GALNT18: variants seen among roughly 807,000 people sequenced by gnomAD.
GALNT18 encodes the protein polypeptide N-acetylgalactosaminyltransferase 18.
A neutral mutation model predicts 69.5 loss-of-function variants in GALNT18; 44 were observed. The ratio of observed to expected loss-of-function variants is 0.63; its 90% CI spans 0.50 to 0.81. The LOEUF (loss-of-function observed/expected upper bound fraction) is 0.81, where lower values mean the gene tolerates loss of function less well. Among genes scored for constraint, GALNT18 ranks in the 40% least tolerant of loss-of-function variants. The probability of loss-of-function intolerance (pLI) is 0.00; values close to 1 mark genes in which losing one functional copy is unlikely to be tolerated. For missense variants in GALNT18, 715 were observed against 810.0 expected (o/e 0.88, Z 1.42); for synonymous variants, 364 against 318.2 (o/e 1.14, Z -1.53).
At chr11:11,307,559 G>A (rs911940964) in intron 9 of GALNT18, among the ~76,000 whole-genome samples, 2 of 152,130 alleles carry the variant, frequency 1.3e-5, no homozygotes, top group African/African-American at 4.8e-5. Flanking sequence ...CAAGTCATCT[G>A]GCCCTAAAGC....
At position 11,530,468 on chromosome 11, in the gene GALNT18, T is replaced by A. The variant is rs933526932; in HGVS notation, c.236-81532A>T. Among the ~76,000 whole-genome samples the A allele has an allele frequency of 2.6e-5, 4 of 152,202 alleles. No homozygotes were observed. In the East Asian group the frequency reaches 5.8e-4, roughly 22 times the overall value. ...GGGAAGACCCTGCTCAAAATGCCAG[T>A]GGGCAGGACAGGCCCGTGAGCTTTG... is the stretch of plus-strand genomic sequence containing the variant. On this transcript the variant is annotated intron_variant, in intron 1 of 10. Transcript: ENST00000227756.
At chr11:11,585,961 T>C (rs1269115294) in intron 1 of GALNT18, among the ~76,000 whole-genome samples, 1 of 152,034 alleles carries the variant, frequency 6.6e-6, no homozygotes, top group Non-Finnish European at 1.5e-5. Context: ...AGAGCCCTCA[T>C]GGGTGGGATT....
At chr11:11,292,975 C>A in intron 10 of GALNT18, 54 bp downstream of exon 10, 2 of 1,334,358 alleles carry the variant, frequency 1.5e-6, no homozygotes, top group Non-Finnish European at 1.9e-6. Flanking sequence ...CCTGAGGCCA[C>A]TCTCCTGGTT....
rs1850215437 is a variant in GALNT18 at position 11,341,927 on chromosome 11, G to A, written c.1093-923C>T. ...GCTTGAGCCCAGGAGTGTGAGACAA[G>A]CCTGGGCAACATAGTGAGATCCTGT... On this transcript the variant is annotated intron_variant, in intron 6 of 10. Transcript: ENST00000227756. This position sits in a 1 kb window ranked among gnomAD's most constrained non-coding sequence, Gnocchi z 6.3. Among the ~76,000 whole-genome samples the A allele has an allele frequency of 6.6e-6, 1 of 151,952 alleles. No individual in the cohort carries two copies. The highest frequency in any genetic ancestry group is 6.6e-5 in the Admixed American group (1 of 15,260).
chr11:11,279,146 T>A (rs1382657332), intron 10 of GALNT18, among the ~76,000 whole-genome samples: 2 of 152,142 alleles, frequency 1.3e-5, no homozygotes, highest in East Asian at 1.9e-4. Flanking sequence ...GTGTGGCACC[T>A]CCTCTCACCA....
chr11:11,362,612 T>G (rs1850668543), intron 6 of GALNT18, among the ~76,000 whole-genome samples: 1 of 152,014 alleles, frequency 6.6e-6, no homozygotes, highest in Admixed American at 6.6e-5. Flanking sequence ...ATAAGAGAAA[T>G]GCAAATTAAA....
intron 5 of GALNT18, among the ~76,000 whole-genome samples, chr11:11,374,340 G>C (rs1455604505): frequency 2.6e-5 from 4 of 152,208 alleles, no homozygotes; most frequent in Non-Finnish European, 5.9e-5. Flanking sequence ...CTAAATTAAA[G>C]CACTTGAGAG....
chr11:11,526,897 G>A (rs989195476), intron 1 of GALNT18, among the ~76,000 whole-genome samples: 2 of 152,126 alleles, frequency 1.3e-5, no homozygotes, highest in Admixed American at 6.5e-5. Context: ...CAATCCAGTC[G>A]AGTCCACGCC....
At chr11:11,460,044 T>C (rs1856006818) in intron 1 of GALNT18, among the ~76,000 whole-genome samples, 1 of 152,152 alleles carries the variant, frequency 6.6e-6, no homozygotes. Flanking sequence ...ATCGCAGCAC[T>C]CTGACCTTCT....
At chr11:11,394,920 C>T (rs1212999581) in intron 3 of GALNT18, among the ~76,000 whole-genome samples, 1 of 152,198 alleles carries the variant, frequency 6.6e-6, no homozygotes, top group African/African-American at 2.4e-5. Context: ...CATAGACCAC[C>T]CAGGTGAGAG....
chr11:11,284,908 G>GTTTTTTTTT (rs58795517), intron 10 of GALNT18, among the ~76,000 whole-genome samples: 6,495 of 82,038 alleles, frequency 0.079, 713 homozygotes, highest in Non-Finnish European at 0.11. Context: ...AGACTTTCGT[G>GTTTTTTTTT]TTTTTTTTTT....
In GALNT18 at chr11:11,382,790, C is replaced by G. The variant is rs1217673019; in HGVS notation, c.596-3526G>C. Among the ~76,000 whole-genome samples, 1 of 151,898 alleles carries G rather than the reference C, an allele frequency of 6.6e-6. No individual in the cohort carries two copies. The highest frequency in any genetic ancestry group is 1.5e-5 in the Non-Finnish European group (1 of 67,982). ...AATTTTTTGAAATTTCTATAAATAA[C>G]ATTTAATAAAGTGTCTTGGTGGGTT... On this transcript the variant is annotated intron_variant, in intron 3 of 10. Coordinates refer to ENST00000227756, the MANE Select transcript of GALNT18 (RefSeq NM_198516.3). The surrounding 1 kb of genome is among the most constrained non-coding windows in gnomAD (Gnocchi z 4.3).
At chr11:11,474,483 A>G (rs7395532) in intron 1 of GALNT18, among the ~76,000 whole-genome samples, 124,276 of 152,222 alleles carry the variant, frequency 0.82, 51,583 homozygotes, top group East Asian at 0.97. Flanking sequence ...TTTCAGCAAA[A>G]GAGGAACAGA....
rs1256611918 is a variant in GALNT18 at position 11,540,339 on chromosome 11, C to T, written c.235+81020G>A. On this transcript the variant is annotated intron_variant, in intron 1 of 10. Transcript: ENST00000227756. The surrounding 1 kb of genome is among the most constrained non-coding windows in gnomAD (Gnocchi z 4.6). ...TCGTTGCCATGGAAACTTGTGACTC[C>T]TACATCCCTGATGCTAGGACAAGAG... Among the ~76,000 whole-genome samples, 1 of 152,166 alleles carries T rather than the reference C, an allele frequency of 6.6e-6. No homozygotes were observed. The highest frequency in any genetic ancestry group is 1.9e-4 in the East Asian group (1 of 5,184).
rs950665985 is a variant in GALNT18 at position 11,318,273 on chromosome 11, A to G, written c.1512+8813T>C. ...AAAGTCCTAACCCCCAGTACCTCAT[A>G]ATGTAATCTTATTTGGAAATAGAGT... is the stretch of plus-strand genomic sequence containing the variant. On this transcript the variant is annotated intron_variant, in intron 9 of 10. Transcript: ENST00000227756. The surrounding 1 kb of genome is among the most constrained non-coding windows in gnomAD (Gnocchi z 5.1). Among the ~76,000 whole-genome samples, 6 of 152,206 alleles carry G rather than the reference A, an allele frequency of 3.9e-5. No homozygotes were observed. Among genetic ancestry groups the G allele is most frequent in the Admixed American group, 2.6e-4 (4 of 15,278 alleles).
Position 11,463,554 on chromosome 11 carries a change from C to T in GALNT18, c.236-14618G>A, listed in dbSNP as rs1390472618. On this transcript the variant is annotated intron_variant, in intron 1 of 10. Transcript: ENST00000227756. This position sits in a 1 kb window ranked among gnomAD's most constrained non-coding sequence, Gnocchi z 4.2. ...CCCCAGGGCTGAGCGTGCCATCACT[C>T]CCAGCAGCTGTCGGCTCACTGGACG... 1.3e-5 allele frequency among the ~76,000 whole-genome samples: 2 copies of T among 152,192 alleles called. No individual in the cohort carries two copies. Among genetic ancestry groups the T allele is most frequent in the Admixed American group, 6.5e-5 (1 of 15,278 alleles).
intron 1 of GALNT18, among the ~76,000 whole-genome samples, chr11:11,579,538 C>A (rs1391826909): frequency 2.0e-5 from 3 of 152,198 alleles, no homozygotes; most frequent in Non-Finnish European, 4.4e-5. Context: ...CCCATCAGGC[C>A]TCTAGCCTCT....
chr11:11,571,742 T>A (rs892127686), intron 1 of GALNT18, among the ~76,000 whole-genome samples: 3 of 152,242 alleles, frequency 2.0e-5, no homozygotes, highest in African/African-American at 7.2e-5. Flanking sequence ...CGTAATGAGG[T>A]TATTTTATCT....
rs1443190023 is a variant in GALNT18, at chr11:11,470,521, T to A, written c.236-21585A>T. 6.6e-6 allele frequency among the ~76,000 whole-genome samples: 1 copy of A among 152,228 alleles called. No individual in the cohort carries two copies. Among genetic ancestry groups the A allele is most frequent in the South Asian group, 2.1e-4 (1 of 4,834 alleles). On this transcript the variant is annotated intron_variant, in intron 1 of 10. Coordinates refer to ENST00000227756, the MANE Select transcript of GALNT18 (RefSeq NM_198516.3). This position sits in a 1 kb window ranked among gnomAD's most constrained non-coding sequence, Gnocchi z 4.8. ...AGTGAGCATGCTGTAGACCCCATTA[T>A]TCCTATGCTAGAGGCTTGGGGATAG...
Sources: gnomAD v4.1 joint callset for allele counts (sites outside exome capture counted in the v4.1 genomes callset) on GRCh38, gnomAD v4.1.1 for gene constraint, Gnocchi (gnomAD v3.1) non-coding constraint, MANE v1.5 for transcripts, NCBI Gene and HGNC (gene_info 2026-07-23, HGNC 2026-07-21) for gene names.